Variants in PHF24 observed in about 807,000 individuals in gnomAD.
PHF24 encodes PHD finger protein 24, also known as Galpha inhibitory interacting protein.
In PHF24, 25 loss-of-function variants were observed where a neutral mutation model predicts 42.6. That is an observed-to-expected ratio of 0.59 (90% confidence interval 0.43 to 0.82). PHF24 has a LOEUF of 0.82. Among genes scored for constraint, PHF24 ranks in the 40% least tolerant of loss-of-function variants. PHF24 has a pLI of 0.00. For synonymous variants in PHF24, 185 were observed against 204.8 expected (o/e 0.90, Z 0.83); for missense variants, 470 against 538.1 (o/e 0.87, Z 1.25).
At chr9:34,728,551 A>G in the PHF24 span, 6 of 1,509,654 alleles carry the variant, frequency 4.0e-6, no homozygotes. Flanking sequence ...ACAGAGGGAC[A>G]GGATTCATGG....
chr9:34,971,245 A>ACAT, intron 1 of PHF24, 50 bp from the exon 2 acceptor site: 1 of 1,538,338 alleles, frequency 6.5e-7, no homozygotes, highest in Admixed American at 2.0e-5. Flanking sequence ...GATTAGCCTG[A>ACAT]CATCCTCAGC....
At chr9:34,863,852 A>G in the PHF24 span, among the ~76,000 whole-genome samples, 1 of 152,278 alleles carries the variant, frequency 6.6e-6, no homozygotes. Flanking sequence ...TCTTTCAGGC[A>G]GAGAATTCAA....
the PHF24 span, among the ~76,000 whole-genome samples, chr9:34,797,206 C>A: frequency 6.6e-6 from 1 of 152,142 alleles, no homozygotes; most frequent in Non-Finnish European, 1.5e-5. Flanking sequence ...GGCTTTGACC[C>A]CACGGCAGTG....
the PHF24 span, among the ~76,000 whole-genome samples, chr9:34,746,653 G>A: frequency 2.0e-5 from 3 of 152,170 alleles, no homozygotes; most frequent in African/African-American, 7.2e-5. Context: ...ATCTGATAAA[G>A]AATACTAAGC....
At chr9:34,935,860 AGAG>A in the PHF24 span, among the ~76,000 whole-genome samples, 2 of 151,898 alleles carry the variant, frequency 1.3e-5, no homozygotes, top group African/African-American at 2.4e-5. Flanking sequence ...ATGAGGACAA[AGAG>A]GAGGGAAAAA....
At chr9:34,671,669 A>G in the PHF24 span, among the ~76,000 whole-genome samples, 1 of 152,212 alleles carries the variant, frequency 6.6e-6, no homozygotes, top group Non-Finnish European at 1.5e-5. Context: ...GGGTCAGTGT[A>G]CGGTCACCCA....
At chr9:34,955,498 G>A (rs1045158609), upstream of PHF24, among the ~76,000 whole-genome samples, 2 of 152,174 alleles carry the variant, frequency 1.3e-5, no homozygotes, top group Non-Finnish European at 2.9e-5. Flanking sequence ...CCAACATGGC[G>A]AAACCCCGTC....
intron 1 of PHF24, among the ~76,000 whole-genome samples, chr9:34,970,603 T>A (rs963479620): frequency 2.6e-5 from 4 of 152,170 alleles, no homozygotes; most frequent in African/African-American, 9.7e-5. Context: ...TAGCCCCAGA[T>A]GGATTGTTCA....
chr9:34,805,950 T>A, the PHF24 span, among the ~76,000 whole-genome samples: 2 of 152,232 alleles, frequency 1.3e-5, no homozygotes, highest in African/African-American at 4.8e-5. Flanking sequence ...CCAGCATTGT[T>A]TGTTGAATGT....
the PHF24 span, among the ~76,000 whole-genome samples, chr9:34,927,578 T>C: frequency 6.6e-6 from 1 of 152,188 alleles, no homozygotes; most frequent in African/African-American, 2.4e-5. Context: ...TGTAGGTTTT[T>C]GCAGTGCCAG....
At chr9:34,672,304 G>A in the PHF24 span, among the ~76,000 whole-genome samples, 1 of 152,026 alleles carries the variant, frequency 6.6e-6, no homozygotes, top group Non-Finnish European at 1.5e-5. Flanking sequence ...GTTAACCAGA[G>A]CTTTCTATGA....
At chr9:34,924,697 A>G in the PHF24 span, among the ~76,000 whole-genome samples, 554 of 152,270 alleles carry the variant, frequency 3.6e-3, 1 homozygote, top group South Asian at 0.027. Flanking sequence ...TGTAGGCAGC[A>G]GATAGTTGGG....
chr9:34,873,804 C>T, the PHF24 span, among the ~76,000 whole-genome samples: 1 of 150,960 alleles, frequency 6.6e-6, no homozygotes, highest in Non-Finnish European at 1.5e-5. Context: ...GCAGTATGGC[C>T]ATTTTCATGA....
chr9:34,898,902 C>T, the PHF24 span, among the ~76,000 whole-genome samples: 1 of 152,234 alleles, frequency 6.6e-6, no homozygotes, highest in Non-Finnish European at 1.5e-5. Flanking sequence ...GAAAACTCCA[C>T]TCCAGCAATT....
chr9:34,936,473 C>G, the PHF24 span, among the ~76,000 whole-genome samples: 1 of 152,016 alleles, frequency 6.6e-6, no homozygotes, highest in South Asian at 2.1e-4. Context: ...GAGATTGCAG[C>G]CTCTGCCCGG....
At chr9:34,977,478 A>G in intron 6 of PHF24, 68 bp from the exon 7 acceptor site, 1 of 1,482,632 alleles carries the variant, frequency 6.7e-7, no homozygotes, top group Middle Eastern at 1.7e-4. Context: ...CCTTGGGCTT[A>G]CCAGAGTTTG....
At chr9:34,834,476 T>G in the PHF24 span, 1 of 1,551,884 alleles carries the variant, frequency 6.4e-7, no homozygotes, top group South Asian at 1.2e-5. Context: ...CTGGATCTTC[T>G]GAGGCAGGCC....
chr9:34,977,784 C>G (rs932430216), intron 7 of PHF24, 143 bp downstream of exon 7: 64 of 797,908 alleles, frequency 8.0e-5, no homozygotes, highest in Non-Finnish European at 2.0e-6. Flanking sequence ...ACATTTGACC[C>G]AAGTCTATAG....
chr9:34,977,181 C>T (rs1365399261), exon 6 of PHF24: 1 of 1,613,794 alleles, frequency 6.2e-7, no homozygotes, highest in South Asian at 1.1e-5. Flanking sequence ...AGGCAGAGTG[C>T]CGCCGGGCCC....
Sources: allele counts gnomAD v4.1 joint callset (sites outside exome capture counted in the v4.1 genomes callset), GRCh38; gene constraint gnomAD v4.1.1; transcripts MANE v1.5; gene names NCBI Gene and HGNC (gene_info 2026-07-23, HGNC 2026-07-21).